FGF12: variants seen among roughly 807,000 people sequenced by gnomAD.
The protein encoded by FGF12 is fibroblast growth factor 12, also known as fibroblast growth factor 12B.
FGF12 carries 14 observed loss-of-function variants against 23.6 expected under a neutral mutation model. That is an observed-to-expected ratio of 0.59 (90% confidence interval 0.39 to 0.93). FGF12 has a LOEUF of 0.93. Ranked by LOEUF, FGF12 falls within the 40% of genes least tolerant of loss-of-function variation. The pLI is 0.00. For synonymous variants in FGF12, 62 were observed against 77.3 expected (o/e 0.80, Z 1.04); for missense variants, 175 against 217.8 (o/e 0.80, Z 1.24).
chr3:192,301,159 GA>G (rs973628326), intron 4 of FGF12, among the ~76,000 whole-genome samples: 8 of 150,596 alleles, frequency 5.3e-5, no homozygotes, highest in East Asian at 1.9e-4. Context: ...ATATTACTGT[GA>G]AAAAAAAAGG....
chr3:192,687,005 A>ATTT (rs1717768655), intron 2 of FGF12, among the ~76,000 whole-genome samples: 1 of 150,666 alleles, frequency 6.6e-6, no homozygotes, highest in Non-Finnish European at 1.5e-5. Flanking sequence ...ATTTTTTTGT[A>ATTT]TTTTTAGTAG....
intron 5 of FGF12, among the ~76,000 whole-genome samples, chr3:192,146,399 T>A (rs1219537389): frequency 6.6e-6 from 1 of 151,768 alleles, no homozygotes; most frequent in East Asian, 1.9e-4. Context: ...GCCTCCCAAG[T>A]AGCTGGGACT....
intron 2 of FGF12, among the ~76,000 whole-genome samples, chr3:192,535,937 A>G (rs1725213036): frequency 6.6e-6 from 1 of 152,254 alleles, no homozygotes; most frequent in South Asian, 2.1e-4. Flanking sequence ...AAGAAGGGAC[A>G]AAAGAAAGAC....
intron 2 of FGF12, among the ~76,000 whole-genome samples, chr3:192,440,246 T>C: frequency 6.6e-6 from 1 of 152,218 alleles, no homozygotes; most frequent in East Asian, 1.9e-4. Flanking sequence ...ATCTATTGAA[T>C]GGTTTTGCAG....
intron 2 of FGF12, among the ~76,000 whole-genome samples, chr3:192,473,762 G>A (rs868022373): frequency 5.9e-5 from 9 of 152,180 alleles, no homozygotes; most frequent in African/African-American, 1.9e-4. Flanking sequence ...ATATGCACTG[G>A]CCGTGTGACC....
chr3:192,695,299 C>T (rs554325081), intron 2 of FGF12, among the ~76,000 whole-genome samples: 16 of 152,290 alleles, frequency 1.1e-4, no homozygotes, highest in Admixed American at 9.8e-4. Flanking sequence ...CTCTACTCTG[C>T]AGACTCTGAA....
At chr3:192,480,689 T>C (rs1560124262) in intron 2 of FGF12, among the ~76,000 whole-genome samples, 1 of 152,164 alleles carries the variant, frequency 6.6e-6, no homozygotes, top group African/African-American at 2.4e-5. Context: ...TGAAGCAACA[T>C]AAAAAGTTTC....
At chr3:192,410,333 C>A (rs1486091283) in intron 2 of FGF12, among the ~76,000 whole-genome samples, 1 of 151,622 alleles carries the variant, frequency 6.6e-6, no homozygotes, top group African/African-American at 2.4e-5. Flanking sequence ...TCTACGCAAT[C>A]CTACGTGATT....
chr3:192,228,393 A>G (rs1339880548), intron 4 of FGF12, among the ~76,000 whole-genome samples: 1 of 152,148 alleles, frequency 6.6e-6, no homozygotes, highest in East Asian at 1.9e-4. Flanking sequence ...ACATTTAATC[A>G]TGACAATTGC....
At chr3:192,422,249 G>A (rs934797957) in intron 2 of FGF12, among the ~76,000 whole-genome samples, 1 of 152,008 alleles carries the variant, frequency 6.6e-6, no homozygotes. Context: ...TACTCAGTAC[G>A]GAACTTTGAA....
chr3:192,342,429 A>C lies in FGF12; in HGVS notation c.125-6965T>G, dbSNP rs962989665. On this transcript the variant is annotated intron_variant, in intron 3 of 5. Transcript: ENST00000445105. ...GTAGAGTGATGCAAGGTTGGAGGGA[A>C]TTAAGAGGAAGGAAAGAGTTTGGGG... Among the ~76,000 whole-genome samples, 16 of 152,008 alleles carry C rather than the reference A, an allele frequency of 1.1e-4. 1 individual carries two copies. Among genetic ancestry groups the C allele is most frequent in the Admixed American group, 7.2e-4 (11 of 15,260 alleles).
intron 3 of FGF12, among the ~76,000 whole-genome samples, chr3:192,349,416 CT>C (rs1181901793): frequency 5.3e-5 from 8 of 152,042 alleles, no homozygotes; most frequent in East Asian, 1.9e-4. Context: ...GAAACCCTCT[CT>C]TTTTAGTTTC....
chr3:192,373,311 G>A (rs1430824270), intron 2 of FGF12, among the ~76,000 whole-genome samples: 1 of 147,102 alleles, frequency 6.8e-6, no homozygotes, highest in Admixed American at 6.9e-5. Context: ...CAGTGACCTA[G>A]TTTCTTCTCT....
intron 2 of FGF12, among the ~76,000 whole-genome samples, chr3:192,482,671 G>C (rs1461043777): frequency 6.6e-6 from 1 of 152,050 alleles, no homozygotes; most frequent in Non-Finnish European, 1.5e-5. Flanking sequence ...CATGGAGTAT[G>C]AATCTTGAGA....
chr3:192,273,708 C>T (rs573678166), intron 4 of FGF12, among the ~76,000 whole-genome samples: 188 of 152,226 alleles, frequency 1.2e-3, no homozygotes, highest in African/African-American at 4.4e-3. Flanking sequence ...GTCAAGGCTT[C>T]GGAAAATTTA....
intron 3 of FGF12, among the ~76,000 whole-genome samples, chr3:192,341,615 T>C (rs1051689548): frequency 6.6e-6 from 1 of 152,142 alleles, no homozygotes; most frequent in African/African-American, 2.4e-5. Context: ...TAAGATAAGC[T>C]TTAGGACCTA....
intron 4 of FGF12, among the ~76,000 whole-genome samples, chr3:192,277,122 A>G (rs1397068249): frequency 6.6e-6 from 1 of 152,228 alleles, no homozygotes; most frequent in East Asian, 1.9e-4. Context: ...CCTCTTGTCA[A>G]TAATTTTCAG....
At chr3:192,347,509 G>A (rs1718019521) in intron 3 of FGF12, among the ~76,000 whole-genome samples, 1 of 152,142 alleles carries the variant, frequency 6.6e-6, no homozygotes, top group Non-Finnish European at 1.5e-5. Flanking sequence ...AGGAGCGGCT[G>A]CTGTCTTCCT....
intron 2 of FGF12, among the ~76,000 whole-genome samples, chr3:192,523,186 A>C (rs1347019773): frequency 6.6e-6 from 1 of 152,214 alleles, no homozygotes; most frequent in East Asian, 1.9e-4. Context: ...TCTAAGTTGC[A>C]ACAGGATATA....
Sources: allele counts gnomAD v4.1 joint callset (sites outside exome capture counted in the v4.1 genomes callset), GRCh38; gene constraint gnomAD v4.1.1; transcripts MANE v1.5; gene names NCBI Gene and HGNC (gene_info 2026-07-23, HGNC 2026-07-21).